Variants in GALNTL6 observed in about 807,000 individuals in gnomAD.
GALNTL6 encodes the protein polypeptide N-acetylgalactosaminyltransferase like 6.
Under a neutral mutation model 73.7 loss-of-function variants are expected in GALNTL6, and 46 were observed. The ratio of observed to expected loss-of-function variants is 0.62; its 90% CI spans 0.49 to 0.80. GALNTL6 has a LOEUF of 0.80. Ranked by LOEUF, GALNTL6 falls within the 30% of genes least tolerant of loss-of-function variation. The pLI, the probability that GALNTL6 is intolerant of heterozygous loss-of-function variation, is 0.00. For missense variants in GALNTL6, 604 were observed against 755.0 expected (o/e 0.80, Z 2.34); for synonymous variants, 259 against 263.7 (o/e 0.98, Z 0.17).
At chr4:173,030,601 C>T (rs971025716) in intron 12 of GALNTL6, among the ~76,000 whole-genome samples, 2 of 152,012 alleles carry the variant, frequency 1.3e-5, no homozygotes, top group Admixed American at 1.3e-4. Context: ...CAGGACAATT[C>T]TTTCCTACCA....
intron 10 of GALNTL6, among the ~76,000 whole-genome samples, chr4:173,003,981 A>G (rs1752163122): frequency 6.6e-6 from 1 of 152,100 alleles, no homozygotes; most frequent in Admixed American, 6.5e-5. Flanking sequence ...TAGTCTTTGA[A>G]TTTCTAACTA....
chr4:172,853,884 A>G (rs1743976169), intron 7 of GALNTL6, among the ~76,000 whole-genome samples: 1 of 152,162 alleles, frequency 6.6e-6, no homozygotes, highest in Non-Finnish European at 1.5e-5. Context: ...TAAAATGAGG[A>G]GAGAAGATTC....
In GALNTL6 at chr4:172,809,609, A is replaced by G; in HGVS notation, c.739+63A>G. On this transcript the variant is annotated intron_variant, in intron 6 of 12. Transcript: ENST00000506823. This position sits in a 1 kb window ranked among gnomAD's most constrained non-coding sequence, Gnocchi z 4.4. ...CAGGGGAACTGAGCGGTTTGCTTCT[A>G]TTTAGTTTGCAATCAGCAAACACTA... The G allele has an allele frequency of 7.3e-7, 1 of 1,376,386 alleles. No homozygotes were observed. Among genetic ancestry groups the G allele is most frequent in the East Asian group, 2.4e-5 (1 of 42,438 alleles). The allele number at this position is 1,376,386 out of a possible 1,614,324, so 85.3% of individuals were successfully genotyped here.
At chr4:172,767,715 G>C (rs898377677) in intron 5 of GALNTL6, among the ~76,000 whole-genome samples, 7 of 137,420 alleles carry the variant, frequency 5.1e-5, no homozygotes, top group African/African-American at 1.8e-4. Context: ...GCCCAGGCTG[G>C]AGTGCAATGA....
intron 2 of GALNTL6, among the ~76,000 whole-genome samples, chr4:172,019,689 A>G (rs1462813562): frequency 6.6e-6 from 1 of 152,116 alleles, no homozygotes; most frequent in Non-Finnish European, 1.5e-5. Context: ...ACTAGTGCTA[A>G]GGAGAGAGAT....
At chr4:172,571,151 T>C (rs957619115) in intron 5 of GALNTL6, among the ~76,000 whole-genome samples, 3 of 152,220 alleles carry the variant, frequency 2.0e-5, no homozygotes, top group Non-Finnish European at 4.4e-5. Context: ...ACCCAGTCTA[T>C]GGTACTTTGT....
At chr4:172,039,990 T>C (rs188979436) in intron 2 of GALNTL6, among the ~76,000 whole-genome samples, 288 of 152,218 alleles carry the variant, frequency 1.9e-3, no homozygotes, top group Non-Finnish European at 3.3e-3. Flanking sequence ...CCATATAAAT[T>C]TGATTAAACG....
At chr4:172,209,289 T>A (rs531052906) in intron 2 of GALNTL6, among the ~76,000 whole-genome samples, 11 of 152,196 alleles carry the variant, frequency 7.2e-5, no homozygotes, top group African/African-American at 2.4e-4. Context: ...ACAAGCTCAG[T>A]GTATATAGGT....
chr4:172,315,236 C>A (rs1740501468), intron 4 of GALNTL6, among the ~76,000 whole-genome samples: 1 of 152,146 alleles, frequency 6.6e-6, no homozygotes. Context: ...TTTTTATATT[C>A]TCCTAGCCCT....
At chr4:172,640,994 A>G (rs4695770) in intron 5 of GALNTL6, among the ~76,000 whole-genome samples, 65,814 of 151,894 alleles carry the variant, frequency 0.43, 16,311 homozygotes, top group East Asian at 0.69. Flanking sequence ...CCATTTTACC[A>G]TCCTTTCGTG....
chr4:171,999,997 C>T (rs1300067969), intron 2 of GALNTL6, among the ~76,000 whole-genome samples: 2 of 152,016 alleles, frequency 1.3e-5, no homozygotes, highest in South Asian at 4.1e-4. Flanking sequence ...TAAAAGTTTT[C>T]TTTTGGAGAA....
intron 5 of GALNTL6, among the ~76,000 whole-genome samples, chr4:172,598,738 C>T (rs1737951310): frequency 6.6e-6 from 1 of 152,134 alleles, no homozygotes; most frequent in South Asian, 2.1e-4. Context: ...TATTTCTTCT[C>T]CTTGAACTCA....
At position 172,809,234 on chromosome 4, in the gene GALNTL6, A is replaced by G. The variant is rs986903531; in HGVS notation, c.554-127A>G. 6 of 705,500 alleles carry G rather than the reference A, an allele frequency of 8.5e-6. No homozygotes were observed. In the South Asian group the frequency reaches 9.4e-5, roughly 11 times the overall value. The allele number at this position is 705,500 out of a possible 1,614,324, so 43.7% of individuals were successfully genotyped here. On this transcript the variant is annotated intron_variant, in intron 5 of 12. Coordinates refer to ENST00000506823, the MANE Select transcript of GALNTL6 (RefSeq NM_001034845.3). The surrounding 1 kb of genome is among the most constrained non-coding windows in gnomAD (Gnocchi z 4.4). ...AATCTTACTAGTATCTCCCATCTAG[A>G]TGAGGAGACAAGAATGTTACCCCAG...
chr4:172,833,776 G>A (rs1486511528), intron 7 of GALNTL6, among the ~76,000 whole-genome samples: 1 of 152,136 alleles, frequency 6.6e-6, no homozygotes, highest in East Asian at 1.9e-4. Context: ...TCAGTGGATG[G>A]CAAAAACTTC....
chr4:172,297,728 A>G (rs1739736622), intron 3 of GALNTL6, among the ~76,000 whole-genome samples: 4 of 152,198 alleles, frequency 2.6e-5, no homozygotes, highest in Non-Finnish European at 5.9e-5. Context: ...TTTTGGTACC[A>G]GTACCATGAT....
intron 5 of GALNTL6, among the ~76,000 whole-genome samples, chr4:172,622,646 A>G (rs1739009286): frequency 6.6e-6 from 1 of 152,140 alleles, no homozygotes; most frequent in African/African-American, 2.4e-5. Context: ...TAGGAAGAAA[A>G]GAAAAAAGGA....
chr4:172,014,434 T>C (rs1741121892), intron 2 of GALNTL6, among the ~76,000 whole-genome samples: 2 of 152,084 alleles, frequency 1.3e-5, no homozygotes, highest in Admixed American at 1.3e-4. Context: ...TGAGATGACA[T>C]GTCACTTAAG....
chr4:172,818,051 C>T (rs929795014), intron 7 of GALNTL6, among the ~76,000 whole-genome samples: 4 of 152,132 alleles, frequency 2.6e-5, no homozygotes, highest in Non-Finnish European at 5.9e-5. Flanking sequence ...GTTCTATCAC[C>T]ATGTTTTCCA....
chr4:172,790,403 C>T (rs866483543), intron 5 of GALNTL6, among the ~76,000 whole-genome samples: 1 of 152,146 alleles, frequency 6.6e-6, no homozygotes, highest in South Asian at 2.1e-4. Context: ...AGAAATTTTT[C>T]TCTCTCTGCC....
Sources: gnomAD v4.1 joint callset for allele counts (sites outside exome capture counted in the v4.1 genomes callset) on GRCh38, gnomAD v4.1.1 for gene constraint, Gnocchi (gnomAD v3.1) non-coding constraint, MANE v1.5 for transcripts, NCBI Gene and HGNC (gene_info 2026-07-23, HGNC 2026-07-21) for gene names.